ME1: variants seen among roughly 807,000 people sequenced by gnomAD.
ME1 encodes the protein malic enzyme 1, also known as NADP-dependent malic enzyme.
In ME1, 74 loss-of-function variants were observed where a neutral mutation model predicts 66.4. That is an observed-to-expected ratio of 1.11 (90% CI 0.92 to 1.35). The LOEUF (loss-of-function observed/expected upper bound fraction) is 1.35, where lower values mean the gene tolerates loss of function less well. ME1 is among the 40% of genes most tolerant of loss of function. The pLI is 0.00. For missense variants in ME1, 750 were observed against 694.1 expected (o/e 1.08, Z -0.90); for synonymous variants, 251 against 235.6 (o/e 1.07, Z -0.60).
At chr6:83,247,813 G>T (rs1040146419) in intron 7 of ME1, among the ~76,000 whole-genome samples, 5 of 152,088 alleles carry the variant, frequency 3.3e-5, no homozygotes, top group Middle Eastern at 3.4e-3. Context: ...CTTGCCAAAG[G>T]TTTTCTCTAG....
intron 6 of ME1, among the ~76,000 whole-genome samples, chr6:83,306,617 T>A (rs1429556969): frequency 6.6e-6 from 1 of 152,114 alleles, no homozygotes; most frequent in Non-Finnish European, 1.5e-5. Flanking sequence ...GACTCTTTAT[T>A]TGGAAAACTG....
chr6:83,421,333 G>A (rs908121443), intron 1 of ME1, among the ~76,000 whole-genome samples: 6 of 152,050 alleles, frequency 3.9e-5, no homozygotes, highest in East Asian at 1.9e-4. Context: ...TTTCTTCTCC[G>A]AACTTAAAAT....
chr6:83,258,141 A>G (rs1310974231), intron 6 of ME1, among the ~76,000 whole-genome samples: 1 of 152,174 alleles, frequency 6.6e-6, no homozygotes, highest in Non-Finnish European at 1.5e-5. Flanking sequence ...ATGTTTCTTA[A>G]GTGAAATCTG....
chr6:83,284,908 ATC>A (rs1199105988), intron 6 of ME1, among the ~76,000 whole-genome samples: 3 of 152,092 alleles, frequency 2.0e-5, no homozygotes, highest in Non-Finnish European at 4.4e-5. Context: ...GAAGTAAATA[ATC>A]TCTCTGAGTA....
Position 83,223,744 on chromosome 6 carries a change from G to A in ME1, c.1449+16C>T. 6.2e-7 allele frequency: 1 copy of A among 1,611,292 alleles called. No individual in the cohort carries two copies. On this transcript the variant is annotated intron_variant, in intron 12 of 13. Transcript: ENST00000369705. Reference sequence around the variant, plus strand: ...GTATTTTAAACCCTTGGTAAACTTAGAGGATTTTACAATACCTCAGCAGTA... The same window carrying A: ...GTATTTTAAACCCTTGGTAAACTTAAAGGATTTTACAATACCTCAGCAGTA...
chr6:83,326,248 G>A (rs1343272739), intron 5 of ME1, among the ~76,000 whole-genome samples: 1 of 152,090 alleles, frequency 6.6e-6, no homozygotes, highest in Non-Finnish European at 1.5e-5. Context: ...ACTCAATATG[G>A]ATTAAAGATT....
intron 13 of ME1, 50 bp from the exon 14 acceptor site, chr6:83,212,144 T>A (rs1051275384): frequency 3.0e-6 from 4 of 1,312,542 alleles, no homozygotes; most frequent in African/African-American, 3.0e-5. Flanking sequence ...GAGGTAATCA[T>A]GAGCCCATGT....
chr6:83,314,835 C>T (rs953627799), intron 6 of ME1, among the ~76,000 whole-genome samples: 1 of 152,140 alleles, frequency 6.6e-6, no homozygotes, highest in Non-Finnish European at 1.5e-5. Context: ...CCATTCTGGA[C>T]CCCTGTGGAC....
chr6:83,417,921 T>C (rs1029993661), intron 1 of ME1, among the ~76,000 whole-genome samples: 4 of 152,238 alleles, frequency 2.6e-5, no homozygotes, highest in African/African-American at 4.8e-5. Flanking sequence ...GTATACTGTT[T>C]ATTTAAAATC....
At chr6:83,217,575 G>A (rs971286790) in intron 12 of ME1, among the ~76,000 whole-genome samples, 7 of 152,172 alleles carry the variant, frequency 4.6e-5, no homozygotes, top group African/African-American at 1.2e-4. Context: ...AAAAGAGAAC[G>A]CTGAAAGAGA....
At chr6:83,417,369 T>TG (rs1463397878) in intron 1 of ME1, among the ~76,000 whole-genome samples, 9 of 139,526 alleles carry the variant, frequency 6.5e-5, no homozygotes, top group South Asian at 2.2e-4. Flanking sequence ...TTTTGTTGTT[T>TG]TTTGTTGTTG....
rs113525918 is a variant in ME1 at position 83,292,625 on chromosome 6, G to T, written c.704+22685C>A. On this transcript the variant is annotated intron_variant, in intron 6 of 13. Coordinates refer to ENST00000369705, the MANE Select transcript of ME1 (RefSeq NM_002395.6). ...GTGCTTCTGTTCTTGGAGCCCAAACGCCATGCTGGGAGAACCATTGCTGTC... is the reference window on the plus strand; with the variant it reads ...GTGCTTCTGTTCTTGGAGCCCAAACTCCATGCTGGGAGAACCATTGCTGTC... Among the ~76,000 whole-genome samples the T allele has an allele frequency of 4.2e-3, 641 of 152,274 alleles. 4 individuals carry two copies. Among genetic ancestry groups the T allele is most frequent in the African/African-American group, 0.014 (602 of 41,558 alleles).
At chr6:83,377,621 A>G (rs1769318631) in intron 3 of ME1, among the ~76,000 whole-genome samples, 1 of 152,048 alleles carries the variant, frequency 6.6e-6, no homozygotes, top group African/African-American at 2.4e-5. Context: ...ACTCCCAAAT[A>G]TATAATATAA....
intron 12 of ME1, among the ~76,000 whole-genome samples, chr6:83,219,740 ATTTTT>A (rs11324255): frequency 3.8e-5 from 5 of 133,210 alleles, no homozygotes; most frequent in Non-Finnish European, 4.8e-5. Flanking sequence ...TGCCCAACTA[ATTTTT>A]TTTTTTTTTT....
intron 5 of ME1, among the ~76,000 whole-genome samples, chr6:83,333,735 C>T (rs190389873): frequency 3.9e-5 from 6 of 152,088 alleles, no homozygotes; most frequent in African/African-American, 9.6e-5. Context: ...GTATTGCTAA[C>T]GGAATACAGT....
At chr6:83,373,262 G>A (rs560126812) in intron 3 of ME1, among the ~76,000 whole-genome samples, 1 of 151,728 alleles carries the variant, frequency 6.6e-6, no homozygotes, top group East Asian at 1.9e-4. Flanking sequence ...CTTCTGAAGA[G>A]TCTCACTTCA....
chr6:83,430,964 C>G lies in ME1; in HGVS notation c.-10G>C. ...GGGCTTCGGGCTCCATGGCTGGCGC[C>G]GGGTTCGGCGGCGGGGTCAGGCCGG... On this transcript the variant is annotated 5_prime_UTR_variant, in exon 1 of 14. Coordinates refer to ENST00000369705, the MANE Select transcript of ME1 (RefSeq NM_002395.6). The G allele has an allele frequency of 1.9e-6, 3 of 1,541,204 alleles. No individual in the cohort carries two copies. The highest frequency in any genetic ancestry group is 1.7e-6 in the Non-Finnish European group (2 of 1,145,588).
At chr6:83,299,834 C>T (rs1265773589) in intron 6 of ME1, among the ~76,000 whole-genome samples, 2 of 152,058 alleles carry the variant, frequency 1.3e-5, no homozygotes, top group Non-Finnish European at 2.9e-5. Flanking sequence ...TTATCGAAGG[C>T]CTGTTCTGCT....
intron 1 of ME1, among the ~76,000 whole-genome samples, chr6:83,424,297 G>T (rs918565478): frequency 1.3e-5 from 2 of 152,046 alleles, no homozygotes; most frequent in African/African-American, 4.8e-5. Flanking sequence ...ACTGTGAAAA[G>T]TTCGGTATGT....
Sources: allele counts gnomAD v4.1 joint callset (sites outside exome capture counted in the v4.1 genomes callset), GRCh38; gene constraint gnomAD v4.1.1; transcripts MANE v1.5; gene names NCBI Gene and HGNC (gene_info 2026-07-23, HGNC 2026-07-21).